Variants in CNTN5 observed in about 807,000 individuals in gnomAD.
CNTN5 encodes contactin 5, also known as contactin-5.
A neutral mutation model predicts 129.1 loss-of-function variants in CNTN5; 77 were observed. The observed-to-expected ratio is 0.60, with a 90% CI of 0.50 to 0.72. The LOEUF is 0.72. Ranked by LOEUF, CNTN5 falls within the 30% of genes least tolerant of loss-of-function variation. The probability of loss-of-function intolerance (pLI) is 0.00; values close to 1 mark genes in which losing one functional copy is unlikely to be tolerated. For missense variants in CNTN5, 1,478 were observed against 1,328.8 expected, an observed-to-expected ratio of 1.11 and a Z score of -1.75; for synonymous variants, 509 against 465.6, an observed-to-expected ratio of 1.09 and a Z score of -1.20.
intron 1 of CNTN5, among the ~76,000 whole-genome samples, chr11:99,172,454 C>A (rs934091046): frequency 6.6e-6 from 1 of 152,038 alleles, no homozygotes; most frequent in Non-Finnish European, 1.5e-5. Flanking sequence ...GAAAATTGTG[C>A]CTAATATTTT....
intron 16 of CNTN5, among the ~76,000 whole-genome samples, chr11:100,254,167 C>T (rs1219089888): frequency 1.3e-5 from 2 of 152,146 alleles, no homozygotes; most frequent in Admixed American, 6.6e-5. Flanking sequence ...CAAAATGATA[C>T]CGTCTAACCA....
At chr11:99,948,763 A>G (rs1158919166) in intron 7 of CNTN5, among the ~76,000 whole-genome samples, 1 of 152,196 alleles carries the variant, frequency 6.6e-6, no homozygotes, top group Non-Finnish European at 1.5e-5. Flanking sequence ...TAAGTGTGGT[A>G]CACATTTACT....
At chr11:99,110,429 A>G (rs1857735571) in intron 1 of CNTN5, among the ~76,000 whole-genome samples, 1 of 152,138 alleles carries the variant, frequency 6.6e-6, no homozygotes, top group Non-Finnish European at 1.5e-5. Flanking sequence ...AGCATGCTAT[A>G]TGAACATTAA....
At chr11:99,354,744 C>T (rs1471604439) in intron 2 of CNTN5, among the ~76,000 whole-genome samples, 2 of 152,156 alleles carry the variant, frequency 1.3e-5, no homozygotes, top group African/African-American at 4.8e-5. Context: ...CCACCATTGC[C>T]TCCCTGGTCT....
intron 1 of CNTN5, among the ~76,000 whole-genome samples, chr11:99,223,583 G>A (rs928537525): frequency 7.2e-5 from 11 of 152,126 alleles, no homozygotes; most frequent in Non-Finnish European, 2.9e-5. Context: ...GGTGTGAAAA[G>A]TTAACGTTAT....
At chr11:100,097,485 A>G (rs553162470) in intron 13 of CNTN5, among the ~76,000 whole-genome samples, 91 of 152,254 alleles carry the variant, frequency 6.0e-4, no homozygotes, top group African/African-American at 2.1e-3. Flanking sequence ...GAATGTTAGC[A>G]AAAGTGAAAA....
intron 1 of CNTN5, among the ~76,000 whole-genome samples, chr11:99,096,270 C>A (rs1161119539): frequency 6.6e-6 from 1 of 151,668 alleles, no homozygotes; most frequent in Non-Finnish European, 1.5e-5. Flanking sequence ...AAAATTTGTT[C>A]ATTTCTGTGC....
intron 15 of CNTN5, among the ~76,000 whole-genome samples, chr11:100,204,692 C>A (rs1948878896): frequency 6.8e-6 from 1 of 146,504 alleles, no homozygotes; most frequent in Non-Finnish European, 1.5e-5. Context: ...CATTTTACTT[C>A]ACATAAAAAT....
intron 4 of CNTN5, among the ~76,000 whole-genome samples, chr11:99,828,491 G>A (rs1434557364): frequency 1.3e-5 from 2 of 152,150 alleles, no homozygotes; most frequent in Middle Eastern, 3.4e-3. Flanking sequence ...CAACAATAAT[G>A]GCCTAACCAC....
At chr11:99,733,176 A>T (rs1469903948) in intron 3 of CNTN5, among the ~76,000 whole-genome samples, 1 of 152,036 alleles carries the variant, frequency 6.6e-6, no homozygotes, top group Non-Finnish European at 1.5e-5. Context: ...ATACAAAAAA[A>T]GCCGAGCATG....
chr11:100,021,613 T>A (rs1003844858), intron 9 of CNTN5, among the ~76,000 whole-genome samples: 3 of 152,222 alleles, frequency 2.0e-5, no homozygotes, highest in African/African-American at 7.2e-5. Flanking sequence ...CTTTGTCTGA[T>A]ATTAATACAG....
At chr11:100,092,584 G>A (rs917609891) in intron 13 of CNTN5, among the ~76,000 whole-genome samples, 1 of 152,066 alleles carries the variant, frequency 6.6e-6, no homozygotes, top group African/African-American at 2.4e-5. Flanking sequence ...ATATAGCTTT[G>A]CTCTCCAAAC....
intron 13 of CNTN5, among the ~76,000 whole-genome samples, chr11:100,163,012 G>C (rs186853460): frequency 2.0e-5 from 3 of 151,866 alleles, no homozygotes; most frequent in Admixed American, 1.3e-4. Flanking sequence ...TATTGCCTTT[G>C]TGCCTCCTAC....
At chr11:99,940,088 G>A (rs748465175) in intron 7 of CNTN5, among the ~76,000 whole-genome samples, 1 of 152,094 alleles carries the variant, frequency 6.6e-6, no homozygotes. Flanking sequence ...AGCAGGGGGA[G>A]GAGCAGCAGG....
chr11:99,383,333 T>C (rs9665819), intron 2 of CNTN5, among the ~76,000 whole-genome samples: 74,062 of 152,000 alleles, frequency 0.49, 18,065 homozygotes, highest in East Asian at 0.57. Context: ...CATATGTCTA[T>C]GGTTATGTGA....
At chr11:99,180,470 T>C (rs1004157515) in intron 1 of CNTN5, among the ~76,000 whole-genome samples, 1 of 152,200 alleles carries the variant, frequency 6.6e-6, no homozygotes, top group Non-Finnish European at 1.5e-5. Flanking sequence ...TCTTTGTGAC[T>C]GGGCTCAAGG....
intron 17 of CNTN5, among the ~76,000 whole-genome samples, chr11:100,262,212 T>A (rs376616749): frequency 4.0e-4 from 61 of 152,286 alleles, no homozygotes; most frequent in African/African-American, 1.2e-3. Context: ...TCATCACTGG[T>A]CATTAGGGAA....
chr11:99,690,328 G>A (rs1286746170), intron 3 of CNTN5, among the ~76,000 whole-genome samples: 1 of 152,074 alleles, frequency 6.6e-6, no homozygotes, highest in Non-Finnish European at 1.5e-5. Context: ...TTTGGTTACT[G>A]TAGTCTTATA....
At chr11:99,439,105 G>T (rs543534013) in intron 2 of CNTN5, among the ~76,000 whole-genome samples, 1 of 152,088 alleles carries the variant, frequency 6.6e-6, no homozygotes, top group Admixed American at 6.5e-5. Flanking sequence ...ACACATATAA[G>T]CATTTGTATA....
Sources: allele counts gnomAD v4.1 joint callset (sites outside exome capture counted in the v4.1 genomes callset), GRCh38; gene constraint gnomAD v4.1.1; transcripts MANE v1.5; gene names NCBI Gene and HGNC (gene_info 2026-07-23, HGNC 2026-07-21).